Variants in BFSP2 observed in about 807,000 individuals in gnomAD.
BFSP2 encodes the protein phakinin.
Under a neutral mutation model 44.9 loss-of-function variants are expected in BFSP2, and 38 were observed. The observed-to-expected ratio is 0.85, with a 90% CI of 0.65 to 1.11. The LOEUF (loss-of-function observed/expected upper bound fraction) is 1.11, where lower values mean the gene tolerates loss of function less well. Among genes scored for constraint, BFSP2 ranks in the 50% least tolerant of loss-of-function variants. The probability of loss-of-function intolerance (pLI) is 0.00; values close to 1 mark genes in which losing one functional copy is unlikely to be tolerated. For missense variants in BFSP2, 525 were observed against 533.0 expected, an observed-to-expected ratio of 0.99 and a Z score of 0.15; for synonymous variants, 197 against 209.9, an observed-to-expected ratio of 0.94 and a Z score of 0.53.
intron 1 of BFSP2, among the ~76,000 whole-genome samples, chr3:133,409,220 T>C (rs1428779986): frequency 9.3e-6 from 1 of 107,188 alleles, no homozygotes; most frequent in Non-Finnish European, 1.9e-5. Context: ...ACTGTTATTC[T>C]GACACTGGTG....
At chr3:133,404,021 C>T (rs902003794) in intron 1 of BFSP2, among the ~76,000 whole-genome samples, 1 of 152,012 alleles carries the variant, frequency 6.6e-6, no homozygotes, top group Non-Finnish European at 1.5e-5. Flanking sequence ...CCTTATATCA[C>T]TATGTAAGTT....
At chr3:133,421,351 G>A (rs1342731867) in intron 1 of BFSP2, among the ~76,000 whole-genome samples, 1 of 152,196 alleles carries the variant, frequency 6.6e-6, no homozygotes, top group Non-Finnish European at 1.5e-5. Flanking sequence ...TGTTAGCAGG[G>A]GCAGCTCCTT....
At chr3:133,458,749 G>A (rs2074035786) in intron 4 of BFSP2, among the ~76,000 whole-genome samples, 1 of 151,938 alleles carries the variant, frequency 6.6e-6, no homozygotes, top group African/African-American at 2.4e-5. Flanking sequence ...GCTCTCTCAG[G>A]CCCTTATCTT....
chr3:133,424,042 T>TC (rs1414938541), intron 1 of BFSP2, among the ~76,000 whole-genome samples: 2 of 151,026 alleles, frequency 1.3e-5, no homozygotes, highest in Admixed American at 6.6e-5. Context: ...TCTTCTGCTT[T>TC]TTTTTTTTGC....
At chr3:133,434,992 C>T (rs1476774059) in intron 1 of BFSP2, among the ~76,000 whole-genome samples, 16 of 152,196 alleles carry the variant, frequency 1.1e-4, no homozygotes, top group African/African-American at 3.9e-4. Flanking sequence ...CCCTAAAGAA[C>T]TGAGGGCCTT....
intron 1 of BFSP2, among the ~76,000 whole-genome samples, chr3:133,414,953 A>C (rs1353233188): frequency 0.017 from 403 of 23,204 alleles, no homozygotes; most frequent in Middle Eastern, 0.036. Context: ...TCACCCTGCC[A>C]TCTCCCCTCT....
At chr3:133,437,380 G>T in intron 1 of BFSP2, among the ~76,000 whole-genome samples, 1 of 152,074 alleles carries the variant, frequency 6.6e-6, no homozygotes, top group South Asian at 2.1e-4. Flanking sequence ...AAAATTAGCC[G>T]GGCATGGTGG....
intron 1 of BFSP2, among the ~76,000 whole-genome samples, chr3:133,446,489 A>G (rs1265991531): frequency 6.8e-6 from 1 of 146,402 alleles, no homozygotes; most frequent in Non-Finnish European, 1.5e-5. Flanking sequence ...GAGCAAGGGG[A>G]AAGCAGTTAT....
intron 1 of BFSP2, among the ~76,000 whole-genome samples, chr3:133,441,016 C>T (rs765296503): frequency 3.3e-5 from 5 of 151,058 alleles, no homozygotes; most frequent in Non-Finnish European, 5.9e-5. Context: ...GACATTTCCC[C>T]TAAATTCACT....
intron 4 of BFSP2, among the ~76,000 whole-genome samples, chr3:133,463,037 G>A (rs1413288117): frequency 6.6e-6 from 1 of 152,116 alleles, no homozygotes; most frequent in African/African-American, 2.4e-5. Flanking sequence ...GACCGGGTGC[G>A]GTGGCTCACG....
At chr3:133,437,558 T>C (rs911948731) in intron 1 of BFSP2, among the ~76,000 whole-genome samples, 1 of 47,058 alleles carries the variant, frequency 2.1e-5, no homozygotes, top group African/African-American at 9.0e-5. Context: ...ACCAAAAAAA[T>C]GAAAACAAAC....
intron 1 of BFSP2, among the ~76,000 whole-genome samples, chr3:133,407,415 C>T (rs1290605530): frequency 6.6e-6 from 1 of 152,160 alleles, no homozygotes; most frequent in Non-Finnish European, 1.5e-5. Context: ...CTCAAATAGA[C>T]TCAATAGCAT....
At chr3:133,452,633 A>G (rs1403845057) in intron 4 of BFSP2, among the ~76,000 whole-genome samples, 1 of 152,176 alleles carries the variant, frequency 6.6e-6, no homozygotes, top group Non-Finnish European at 1.5e-5. Context: ...TGAGACCCAG[A>G]GAGTGCAGGT....
intron 1 of BFSP2, among the ~76,000 whole-genome samples, chr3:133,443,140 G>A (rs985947779): frequency 6.6e-6 from 1 of 152,114 alleles, no homozygotes; most frequent in Non-Finnish European, 1.5e-5. Context: ...GATTCCAGGC[G>A]TGAGCCACCG....
chr3:133,445,808 G>A (rs1352724874), intron 1 of BFSP2, among the ~76,000 whole-genome samples: 2 of 152,120 alleles, frequency 1.3e-5, no homozygotes, highest in Non-Finnish European at 2.9e-5. Context: ...TTGAGCATCC[G>A]TGGGGGACTG....
intron 3 of BFSP2, 94 bp downstream of exon 3, chr3:133,448,739 C>A: frequency 6.7e-7 from 1 of 1,491,570 alleles, no homozygotes; most frequent in Non-Finnish European, 9.2e-7. Flanking sequence ...TAGCTCATTT[C>A]TGACTCTCCA....
At chr3:133,404,419 C>T (rs563363610) in intron 1 of BFSP2, among the ~76,000 whole-genome samples, 2 of 152,260 alleles carry the variant, frequency 1.3e-5, no homozygotes, top group South Asian at 2.1e-4. Context: ...TTGCTCACCC[C>T]CAACCCAGGT....
At chr3:133,473,960 C>T (rs576822832) in intron 6 of BFSP2, among the ~76,000 whole-genome samples, 1 of 152,168 alleles carries the variant, frequency 6.6e-6, no homozygotes, top group African/African-American at 2.4e-5. Context: ...ACTGGCCATA[C>T]CCATCTGCAA....
chr3:133,400,357 G>A lies in BFSP2; in HGVS notation c.274G>A (p.Gly92Ser), dbSNP rs2073352113. The change falls in exon 1 of 7, where the codon GGC becomes AGC. Residue 92 changes from glycine (G) to serine (S), a missense_variant. Coordinates refer to ENST00000302334, the MANE Select transcript of BFSP2 (RefSeq NM_003571.4). This position sits in a 1 kb window ranked among gnomAD's most constrained non-coding sequence, Gnocchi z 4.0. ...SVFLQGLRSS[G>S]LATVPAPGLE... ...CTTCCTTCAGGGCCTGCGGAGCTCA[G>A]GCCTGGCCACCGTGCCGGCTCCAGG... is the stretch of plus-strand genomic sequence containing the variant. 6.2e-7 allele frequency: 1 copy of A among 1,613,958 alleles called. No homozygotes were observed. The highest frequency in any genetic ancestry group is 1.7e-5 in the Admixed American group (1 of 60,014).
Sources: allele counts gnomAD v4.1 joint callset (sites outside exome capture counted in the v4.1 genomes callset), GRCh38; gene constraint gnomAD v4.1.1; non-coding constraint Gnocchi (gnomAD v3.1); transcripts MANE v1.5; gene names NCBI Gene and HGNC (gene_info 2026-07-23, HGNC 2026-07-21).